Variants in POLQ observed in about 807,000 individuals in gnomAD.
POLQ encodes the protein epididymis secretory sperm binding protein.
Under a neutral mutation model 259.2 loss-of-function variants are expected in POLQ, and 233 were observed. The observed-to-expected ratio is 0.90, with a 90% CI of 0.81 to 1.00. The LOEUF is 1.00. Among genes scored for constraint, POLQ ranks in the 50% least tolerant of loss-of-function variants. The pLI is 0.00. For missense variants in POLQ, 2,871 were observed against 3,051.6 expected, an observed-to-expected ratio of 0.94 and a Z score of 1.39; for synonymous variants, 1,025 against 1,048.8, an observed-to-expected ratio of 0.98 and a Z score of 0.44.
chr3:121,431,840 T>G lies in POLQ; in HGVS notation c.*464A>C, dbSNP rs923699878. 2.6e-5 allele frequency: 4 copies of G among 154,248 alleles called. No individual in the cohort carries two copies. The highest frequency in any genetic ancestry group is 5.8e-5 in the Non-Finnish European group (4 of 69,254). 9.6% of individuals were successfully genotyped at this position (154,248 alleles called of 1,614,324 possible). A position where few individuals can be genotyped will look rare whatever the true frequency, so the allele number is the denominator to read the frequency against. ...AAAATACTATTTCCGTACTGTAAAA[T>G]TGATATTAGAGGAAAAAAAGTCACA... On this transcript the variant is annotated 3_prime_UTR_variant, in exon 30 of 30. Transcript: ENST00000264233.
At chr3:121,474,401 AC>A (rs375944389) in intron 20 of POLQ, among the ~76,000 whole-genome samples, 5 of 152,044 alleles carry the variant, frequency 3.3e-5, no homozygotes, top group African/African-American at 9.7e-5. Context: ...GAGGTGGAAG[AC>A]CCCATGTAAC....
intron 7 of POLQ, among the ~76,000 whole-genome samples, chr3:121,523,413 A>G (rs2048351148): frequency 6.6e-6 from 1 of 152,188 alleles, no homozygotes; most frequent in Non-Finnish European, 1.5e-5. Flanking sequence ...AAAACTTTTC[A>G]TAAACAGTAA....
intron 8 of POLQ, among the ~76,000 whole-genome samples, chr3:121,521,262 C>G (rs1198083076): frequency 1.3e-5 from 2 of 152,082 alleles, no homozygotes; most frequent in South Asian, 2.1e-4. Context: ...ACTACCGGCA[C>G]TATATAATGT....
At chr3:121,451,698 A>G (rs534165583) in intron 25 of POLQ, among the ~76,000 whole-genome samples, 19 of 152,278 alleles carry the variant, frequency 1.2e-4, no homozygotes, top group African/African-American at 3.9e-4. Flanking sequence ...GCCTGCTCCT[A>G]CTGGGGGGTG....
intron 16 of POLQ, among the ~76,000 whole-genome samples, chr3:121,486,271 C>T (rs1030739421): frequency 1.3e-5 from 2 of 152,196 alleles, no homozygotes; most frequent in African/African-American, 2.4e-5. Flanking sequence ...ATTTATGAGG[C>T]CGGGCATGGT....
chr3:121,489,878 G>T lies in POLQ; in HGVS notation c.3053C>A (p.Thr1018Asn). 1 of 1,605,096 alleles carries T rather than the reference G, an allele frequency of 6.2e-7. No individual in the cohort carries two copies. Among genetic ancestry groups the T allele is most frequent in the Non-Finnish European group, 8.5e-7 (1 of 1,177,996 alleles). Reference protein sequence around the residue: ...GKTSDKKVVQTFSQKTKKAPL... With the variant: ...GKTSDKKVVQNFSQKTKKAPL... ...TGCCTTTTTTGTTTTCTGTGAAAAA[G>T]TCTGAACAACTTTCTTATCACTTGT... Residue 1018 changes from threonine to asparagine, a missense_variant, in exon 16 of 30, where the codon ACT becomes AAT. Around this residue, in one of 3 missense-constraint regions of POLQ, gnomAD observed 2,080 missense variants for 2,126.0 expected, o/e 0.98. Transcript: ENST00000264233.
chr3:121,541,159 G>T (rs1017623838), intron 3 of POLQ, among the ~76,000 whole-genome samples, 190 bp downstream of exon 3: 4 of 152,198 alleles, frequency 2.6e-5, no homozygotes, highest in Admixed American at 6.5e-5. Context: ...GGGATTACAG[G>T]CGTGAGCTAC....
rs778769211 is a variant in POLQ at position 121,509,559 on chromosome 3, A to G, written c.1959+2T>C. On this transcript the variant is annotated splice_donor_variant, in intron 12 of 29. Coordinates refer to ENST00000264233, the MANE Select transcript of POLQ (RefSeq NM_199420.4). LOFTEE classifies it high-confidence loss of function. Reference sequence around the variant, plus strand: ...AAACATAATTGTTAAAACAGAACTTACCAGATAGAGAATATGAAGATCATT... The same window carrying G: ...AAACATAATTGTTAAAACAGAACTTGCCAGATAGAGAATATGAAGATCATT... 1.2e-6 allele frequency: 2 copies of G among 1,608,930 alleles called. No homozygotes were observed. Among genetic ancestry groups the G allele is most frequent in the African/African-American group, 2.7e-5 (2 of 74,724 alleles).
chr3:121,511,002 C>T (rs1217175322), intron 10 of POLQ, among the ~76,000 whole-genome samples: 4 of 152,084 alleles, frequency 2.6e-5, no homozygotes, highest in South Asian at 2.1e-4. Flanking sequence ...CCGAGGCAGG[C>T]GGATCACGAG....
At chr3:121,511,156 G>A (rs1378661862) in intron 10 of POLQ, among the ~76,000 whole-genome samples, 1 of 151,212 alleles carries the variant, frequency 6.6e-6, no homozygotes, top group East Asian at 1.9e-4. Flanking sequence ...AAATCAGGAG[G>A]CGGAGTTTGC....
Position 121,488,344 on chromosome 3 carries a change from T to C in POLQ, c.4587A>G (p.Gln1529=), listed in dbSNP as rs1450429747. 6 of 1,613,334 alleles carry C rather than the reference T, an allele frequency of 3.7e-6. No homozygotes were observed. The highest frequency in any genetic ancestry group is 5.1e-6 in the Non-Finnish European group (6 of 1,179,508). ...SNHFSDSLCL[Q]EDLIKKSNVN... is the part of the protein sequence containing the mutation. The stretch of plus-strand genomic sequence containing the variant: ...CATTTGATTTTTTAATTAGGTCTTC[T>C]TGTAGACACAGAGAATCACTAAAAT... The change falls in exon 16 of 30, where the codon CAA becomes CAG. Residue 1529 remains glutamine, a synonymous_variant. Coordinates refer to ENST00000264233, the MANE Select transcript of POLQ (RefSeq NM_199420.4).
At position 121,490,225 on chromosome 3, in the gene POLQ, G is replaced by A. The variant is rs1391618037; in HGVS notation, c.2706C>T (p.Ala902=). ...ATGAGCATGTACTAGAATGTAACAG[G>A]GCACATGGATTCCATTGCACTCCCA... ...VEMGVQWNPC[A]LLHSSTCSLT... is the part of the protein sequence containing the mutation. Residue 902 remains alanine, a synonymous_variant, in exon 16 of 30, where the codon GCC becomes GCT. Transcript: ENST00000264233. 2 of 1,614,138 alleles carry A rather than the reference G, an allele frequency of 1.2e-6. No homozygotes were observed. The highest frequency in any genetic ancestry group is 2.2e-5 in the East Asian group (1 of 44,884).
chr3:121,477,970 T>G (rs948279338), intron 19 of POLQ, among the ~76,000 whole-genome samples: 1 of 152,124 alleles, frequency 6.6e-6, no homozygotes, highest in Non-Finnish European at 1.5e-5. Context: ...TCACGTTACT[T>G]GAGACTAGAG....
At chr3:121,501,369 G>C (rs1487842650) in intron 12 of POLQ, among the ~76,000 whole-genome samples, 5 of 151,120 alleles carry the variant, frequency 3.3e-5, no homozygotes, top group Non-Finnish European at 7.4e-5. Flanking sequence ...CATTTTATAA[G>C]AAATGCTAGG....
chr3:121,537,486 G>A (rs1277588127), intron 4 of POLQ, among the ~76,000 whole-genome samples: 6 of 152,010 alleles, frequency 3.9e-5, no homozygotes, highest in South Asian at 2.1e-4. Context: ...TTCTGTTGTC[G>A]CTATCTTTAT....
At chr3:121,468,215 ATTAAT>A in intron 23 of POLQ, 85 bp downstream of exon 23, 1 of 1,106,576 alleles carries the variant, frequency 9.0e-7, no homozygotes, top group South Asian at 1.7e-5. Flanking sequence ...ATAAAATTAA[ATTAAT>A]TTCATTTATT....
At chr3:121,538,658 T>C (rs2048467697) in intron 4 of POLQ, among the ~76,000 whole-genome samples, 1 of 151,816 alleles carries the variant, frequency 6.6e-6, no homozygotes, top group Admixed American at 6.6e-5. Context: ...AAATAGCACT[T>C]ACTACGAGTC....
In POLQ at chr3:121,488,867, TG is replaced by T; in HGVS notation, c.4063del (p.Gln1355ArgfsTer4). On this transcript the variant is annotated frameshift_variant, in exon 16 of 30. Transcript: ENST00000264233. LOFTEE classifies it high-confidence loss of function. ...TGAGTTCTGTTGGACTAAGCTCTTC[TG>T]CATTATCCCTGCTGCCAGGTTGGTG... The part of the protein sequence containing the change: ...KDTNLAAGIM[Q>X]KSLVQQNSMN... 6.2e-7 allele frequency: 1 copy of T among 1,614,102 alleles called. No homozygotes were observed. The highest frequency in any genetic ancestry group is 1.1e-5 in the South Asian group (1 of 91,076).
chr3:121,497,766 G>GC (rs2048136202), intron 13 of POLQ, among the ~76,000 whole-genome samples: 1 of 152,064 alleles, frequency 6.6e-6, no homozygotes, highest in Admixed American at 6.5e-5. Flanking sequence ...GAAGCTAACA[G>GC]CCTGTACCAA....
Sources: gnomAD v4.1 joint callset for allele counts (sites outside exome capture counted in the v4.1 genomes callset) on GRCh38, gnomAD v4.1.1 for gene constraint, gnomAD v4.1.1 regional missense constraint, MANE v1.5 for transcripts, NCBI Gene and HGNC (gene_info 2026-07-23, HGNC 2026-07-21) for gene names.